Variants in PACS1 observed in about 807,000 individuals in gnomAD.
The protein encoded by PACS1 is phosphofurin acidic cluster sorting protein 1.
Under a neutral mutation model 115.0 loss-of-function variants are expected in PACS1, and 24 were observed. The observed-to-expected ratio is 0.21, with a 90% CI of 0.15 to 0.29. PACS1 has a LOEUF of 0.29. PACS1 is among the 10% of genes least tolerant of loss of function. PACS1 has a pLI of 1.00. For missense variants in PACS1, 838 were observed against 1,251.2 expected (o/e 0.67, Z 4.98); for synonymous variants, 453 against 504.5 (o/e 0.90, Z 1.37).
At chr11:66,077,058 T>C (rs1289583971) in intron 1 of PACS1, among the ~76,000 whole-genome samples, 1 of 152,198 alleles carries the variant, frequency 6.6e-6, no homozygotes, top group Non-Finnish European at 1.5e-5. Flanking sequence ...GCACCAGCTC[T>C]AGAGTGTTAC....
chr11:66,079,303 G>GTTTTTTTTTTTT (rs10692760), intron 1 of PACS1, among the ~76,000 whole-genome samples: 1 of 110,400 alleles, frequency 9.1e-6, no homozygotes, highest in Admixed American at 1.1e-4. Flanking sequence ...TTTGTAGCAG[G>GTTTTTTTTTTTT]TTTTTTTTTT....
intron 10 of PACS1, among the ~76,000 whole-genome samples, chr11:66,223,925 C>T (rs544931434): frequency 6.6e-6 from 1 of 152,254 alleles, no homozygotes; most frequent in South Asian, 2.1e-4. Context: ...AGGGCGGACA[C>T]GGTGGCTCAA....
intron 1 of PACS1, among the ~76,000 whole-genome samples, chr11:66,186,194 G>C (rs1000596647): frequency 2.6e-5 from 4 of 151,862 alleles, no homozygotes; most frequent in South Asian, 2.1e-4. Flanking sequence ...AAGATTGCTT[G>C]AGTCCCAGAA....
At chr11:66,173,596 G>C (rs1302955330) in intron 1 of PACS1, among the ~76,000 whole-genome samples, 3 of 151,902 alleles carry the variant, frequency 2.0e-5, no homozygotes, top group African/African-American at 7.3e-5. Context: ...TGTAATCCCA[G>C]CTACTTGGGA....
intron 1 of PACS1, among the ~76,000 whole-genome samples, chr11:66,087,647 A>G (rs1217042819): frequency 3.3e-5 from 5 of 152,320 alleles, no homozygotes; most frequent in African/African-American, 1.2e-4. Flanking sequence ...ACTGTATTCC[A>G]TGGTGTGAGT....
intron 1 of PACS1, among the ~76,000 whole-genome samples, chr11:66,085,908 T>C (rs1857557757): frequency 6.6e-6 from 1 of 152,230 alleles, no homozygotes; most frequent in Non-Finnish European, 1.5e-5. Flanking sequence ...TACACGTGGC[T>C]TTATTTGTGT....
chr11:66,161,584 T>A lies in PACS1; in HGVS notation c.357-31902T>A, dbSNP rs541950634. Among the ~76,000 whole-genome samples, 15 of 152,052 alleles carry A rather than the reference T, an allele frequency of 9.9e-5. 1 individual carries two copies. The highest frequency in any genetic ancestry group is 3.4e-4 in the African/African-American group (14 of 41,486). On this transcript the variant is annotated intron_variant, in intron 1 of 23. Coordinates refer to ENST00000320580, the MANE Select transcript of PACS1 (RefSeq NM_018026.4). ...GGAAAATAATTTCTTCCTGGGCAAT[T>A]AGAAAAAAAAGTGAATAAATCTGTG...
chr11:66,122,364 A>G (rs1413956262), intron 1 of PACS1, among the ~76,000 whole-genome samples: 1 of 152,228 alleles, frequency 6.6e-6, no homozygotes, highest in Non-Finnish European at 1.5e-5. Context: ...CAAAGAAATT[A>G]ATGTTGTTTT....
intron 1 of PACS1, among the ~76,000 whole-genome samples, chr11:66,089,206 A>G (rs1371238512): frequency 6.6e-6 from 1 of 152,084 alleles, no homozygotes; most frequent in Non-Finnish European, 1.5e-5. Context: ...TATTTTTCCC[A>G]CCACTGAATG....
At position 66,233,499 on chromosome 11, in the gene PACS1, G is replaced by T. The variant is rs369219523; in HGVS notation, c.1839-286G>T. 4.6e-5 allele frequency among the ~76,000 whole-genome samples: 7 copies of T among 152,308 alleles called. No homozygotes were observed. The highest frequency in any genetic ancestry group is 3.9e-4 in the East Asian group (2 of 5,184). ...TGTGAAAGAGAACTATGGATTCCAGGCCTGGGGGCACACACCCTGCGGGCA... is the reference window on the plus strand; with the variant it reads ...TGTGAAAGAGAACTATGGATTCCAGTCCTGGGGGCACACACCCTGCGGGCA... On this transcript the variant is annotated intron_variant, in intron 15 of 23. Coordinates refer to ENST00000320580, the MANE Select transcript of PACS1 (RefSeq NM_018026.4). This position sits in a 1 kb window ranked among gnomAD's most constrained non-coding sequence, Gnocchi z 4.5.
At chr11:66,193,161 C>T (rs1052718750) in intron 1 of PACS1, among the ~76,000 whole-genome samples, 1 of 152,194 alleles carries the variant, frequency 6.6e-6, no homozygotes, top group African/African-American at 2.4e-5. Flanking sequence ...CATGGAAGTT[C>T]ATGCAATAAT....
At chr11:66,156,402 G>A (rs1387471177) in intron 1 of PACS1, among the ~76,000 whole-genome samples, 2 of 150,898 alleles carry the variant, frequency 1.3e-5, no homozygotes, top group African/African-American at 4.9e-5. Context: ...GTACCACCAC[G>A]CCCAGCTAAT....
chr11:66,070,824 C>T lies in PACS1; in HGVS notation c.338C>T (p.Ser113Leu), dbSNP rs1857295360. ...GCCACCTGGGAGGTGGACCGGAGCT[C>T]GTCCAGCTGCGTGCCTAGGTGAGCG... ...LYATWEVDRSSSSCVPRLFSL... is the reference protein window; with the variant it reads ...LYATWEVDRSLSSCVPRLFSL... Residue 113 changes from serine (S) to leucine (L), a missense_variant, in exon 1 of 24, where the codon TCG (serine) becomes TTG (leucine). By Grantham distance (145) the Ser-to-Leu change is moderately radical (BLOSUM62 -2). Transcript: ENST00000320580. The surrounding 1 kb of genome is among the most constrained non-coding windows in gnomAD (Gnocchi z 5.9). The T allele has an allele frequency of 2.0e-6, 3 of 1,493,814 alleles. No homozygotes were observed. The highest frequency in any genetic ancestry group is 2.9e-5 in the East Asian group (1 of 34,852). 92.5% of individuals were successfully genotyped at this position (1,493,814 alleles called of 1,614,324 possible). A position where few individuals can be genotyped will look rare whatever the true frequency, so the allele number is the denominator to read the frequency against.
intron 1 of PACS1, among the ~76,000 whole-genome samples, chr11:66,172,812 C>T (rs767747626): frequency 6.6e-6 from 1 of 152,056 alleles, no homozygotes; most frequent in Non-Finnish European, 1.5e-5. Flanking sequence ...CCCGTCTCTA[C>T]TAAACATACA....
chr11:66,166,117 G>A (rs976487181), intron 1 of PACS1, among the ~76,000 whole-genome samples: 4 of 150,770 alleles, frequency 2.7e-5, no homozygotes, highest in African/African-American at 9.8e-5. Context: ...TCCAGGCTCC[G>A]TTTGCCTCTG....
intron 10 of PACS1, among the ~76,000 whole-genome samples, chr11:66,227,117 T>C (rs1018094066): frequency 6.6e-6 from 1 of 152,172 alleles, no homozygotes; most frequent in Non-Finnish European, 1.5e-5. Flanking sequence ...AGCATACTCC[T>C]TTCTCTGGCA....
chr11:66,161,969 G>C (rs1859496957), intron 1 of PACS1, among the ~76,000 whole-genome samples: 1 of 152,098 alleles, frequency 6.6e-6, no homozygotes, highest in African/African-American at 2.4e-5. Context: ...TGGTGTAGTG[G>C]GTTGAATATT....
intron 1 of PACS1, among the ~76,000 whole-genome samples, chr11:66,117,749 G>C (rs1858337247): frequency 6.6e-6 from 1 of 152,112 alleles, no homozygotes; most frequent in East Asian, 1.9e-4. Context: ...GGGAGGCTGA[G>C]GCAGGAGAAT....
At chr11:66,118,514 A>C (rs1858360362) in intron 1 of PACS1, among the ~76,000 whole-genome samples, 1 of 152,146 alleles carries the variant, frequency 6.6e-6, no homozygotes, top group East Asian at 1.9e-4. Context: ...TGGGAGGCTG[A>C]GGTGGGAGGA....
Sources: allele counts gnomAD v4.1 joint callset (sites outside exome capture counted in the v4.1 genomes callset), GRCh38; gene constraint gnomAD v4.1.1; non-coding constraint Gnocchi (gnomAD v3.1); transcripts MANE v1.5; gene names NCBI Gene and HGNC (gene_info 2026-07-23, HGNC 2026-07-21).